Variants in SMAD2 observed in about 807,000 individuals in gnomAD.
SMAD2 encodes SMAD family member 2.
SMAD2 carries 8 observed loss-of-function variants against 64.4 expected under a neutral mutation model. That is an observed-to-expected ratio of 0.12 (90% CI 0.07 to 0.22). SMAD2 has a LOEUF of 0.22. Ranked by LOEUF, SMAD2 falls within the 10% of genes least tolerant of loss-of-function variation. The pLI is 1.00. For synonymous variants in SMAD2, 203 were observed against 195.8 expected (o/e 1.04, Z -0.31); for missense variants, 289 against 561.2 (o/e 0.51, Z 4.90).
chr18:47,854,650 A>T lies in SMAD2; in HGVS notation c.731-3323T>A, dbSNP rs528691022. Among the ~76,000 whole-genome samples the T allele has an allele frequency of 9.8e-4, 147 of 150,604 alleles. 1 individual carries two copies. The highest frequency in any genetic ancestry group is 8.8e-3 in the South Asian group (42 of 4,768). ...CAAATATTCACCCAGGTTTTTTTTT[A>T]AAAAAAATCTGTTATATCTTTTAAG... is the stretch of plus-strand genomic sequence containing the variant. On this transcript the variant is annotated intron_variant, in intron 6 of 10. Coordinates refer to ENST00000262160, the MANE Select transcript of SMAD2 (RefSeq NM_005901.6).
chr18:47,854,145 A>G (rs1262901213), intron 6 of SMAD2, among the ~76,000 whole-genome samples: 3 of 152,100 alleles, frequency 2.0e-5, no homozygotes, highest in Non-Finnish European at 4.4e-5. Flanking sequence ...TTATTCATAC[A>G]TAAATGCTGC....
At chr18:47,927,674 C>A (rs1031994533) in intron 1 of SMAD2, among the ~76,000 whole-genome samples, 1 of 152,100 alleles carries the variant, frequency 6.6e-6, no homozygotes, top group Admixed American at 6.5e-5. Flanking sequence ...CCGAGGTGGG[C>A]GGATCACCTG....
intron 2 of SMAD2, among the ~76,000 whole-genome samples, chr18:47,875,425 T>C (rs1196954126): frequency 6.6e-6 from 1 of 152,110 alleles, no homozygotes; most frequent in Admixed American, 6.6e-5. Flanking sequence ...ATATTCCTTA[T>C]CACATTAAAT....
At position 47,827,715 on chromosome 18, in the gene SMAD2, C is replaced by T. The variant is rs568823754; in HGVS notation, c.*14112G>A. The stretch of plus-strand genomic sequence containing the variant: ...CAGGCTGGTCTCCAGCTCCTGACCG[C>T]GCATGATCTGCCCGCCTGGGCCTCC... On this transcript the variant is annotated 3_prime_UTR_variant, in exon 11 of 11. Coordinates refer to ENST00000262160, the MANE Select transcript of SMAD2 (RefSeq NM_005901.6). 6 of 166,868 alleles carry T rather than the reference C, an allele frequency of 3.6e-5. No individual in the cohort carries two copies. The highest frequency in any genetic ancestry group is 1.8e-4 in the East Asian group (1 of 5,618). 10.3% of individuals were successfully genotyped at this position (166,868 alleles called of 1,614,324 possible).
At chr18:47,896,859 T>A in intron 1 of SMAD2, 50 bp from the exon 2 acceptor site, 2 of 1,490,664 alleles carry the variant, frequency 1.3e-6, no homozygotes, top group Non-Finnish European at 9.1e-7. Context: ...GAACATCAAG[T>A]AATAATTTCA....
At chr18:47,909,876 G>A (rs2034053829) in intron 1 of SMAD2, among the ~76,000 whole-genome samples, 2 of 152,030 alleles carry the variant, frequency 1.3e-5, no homozygotes, top group East Asian at 1.9e-4. Context: ...ACTTGTCCCT[G>A]AACACATTAA....
At chr18:47,913,080 C>T (rs1405884566) in intron 1 of SMAD2, among the ~76,000 whole-genome samples, 2 of 151,698 alleles carry the variant, frequency 1.3e-5, no homozygotes, top group Non-Finnish European at 1.5e-5. Flanking sequence ...TCAACACGCT[C>T]GGCTAATTTT....
chr18:47,884,050 A>C (rs1177499931), intron 2 of SMAD2, among the ~76,000 whole-genome samples: 1 of 152,004 alleles, frequency 6.6e-6, no homozygotes, highest in African/African-American at 2.4e-5. Context: ...TTCCCTAATC[A>C]CCATAAAACC....
At chr18:47,913,922 A>C (rs2034238556) in intron 1 of SMAD2, among the ~76,000 whole-genome samples, 1 of 152,250 alleles carries the variant, frequency 6.6e-6, no homozygotes, top group South Asian at 2.1e-4. Context: ...AAAAGAACAC[A>C]AAGACTATCT....
At chr18:47,906,990 C>T (rs1026704667) in intron 1 of SMAD2, among the ~76,000 whole-genome samples, 4 of 152,062 alleles carry the variant, frequency 2.6e-5, no homozygotes, top group Non-Finnish European at 4.4e-5. Flanking sequence ...TCTCTCTTGC[C>T]ATATAAAACA....
At chr18:47,926,356 C>G (rs941233528) in intron 1 of SMAD2, among the ~76,000 whole-genome samples, 1 of 152,166 alleles carries the variant, frequency 6.6e-6, no homozygotes, top group Admixed American at 6.5e-5. Context: ...ACATTCATTA[C>G]TATGCTTTCA....
At chr18:47,929,059 C>A (rs1468746853) in intron 1 of SMAD2, among the ~76,000 whole-genome samples, 3 of 152,142 alleles carry the variant, frequency 2.0e-5, no homozygotes, top group Non-Finnish European at 1.5e-5. Flanking sequence ...AGAGGAAATT[C>A]TTTAAATATC....
intron 1 of SMAD2, among the ~76,000 whole-genome samples, chr18:47,921,839 G>A (rs1348763650): frequency 6.6e-6 from 1 of 152,178 alleles, no homozygotes; most frequent in Non-Finnish European, 1.5e-5. Context: ...ATACATAAGA[G>A]AAAACTTTTA....
chr18:47,860,335 A>C (rs1325139060), intron 6 of SMAD2, among the ~76,000 whole-genome samples: 1 of 152,134 alleles, frequency 6.6e-6, no homozygotes, highest in Admixed American at 6.5e-5. Context: ...GCAGCGGCGC[A>C]AACATGGCTC....
chr18:47,896,824 GA>G lies in SMAD2; in HGVS notation c.-53-16del, dbSNP rs1178873232. ...TTGTATCGAACCTAGCAGAAATATT[GA>G]AAGGATGATGTAGAGACTACCTTGA... is the stretch of plus-strand genomic sequence containing the variant. On this transcript the variant is annotated splice_polypyrimidine_tract_variant and intron_variant, in intron 1 of 10. Transcript: ENST00000262160. 2 of 1,565,258 alleles carry G rather than the reference GA, an allele frequency of 1.3e-6. No homozygotes were observed. The highest frequency in any genetic ancestry group is 8.6e-7 in the Non-Finnish European group (1 of 1,156,268).
In SMAD2 at chr18:47,835,907, A is replaced by AT. The variant is rs1050448319; in HGVS notation, c.*5919dup. 4.8e-6 allele frequency: 1 copy of AT among 206,902 alleles called. No individual in the cohort carries two copies. 12.8% of individuals were successfully genotyped at this position (206,902 alleles called of 1,614,324 possible). A position where few individuals can be genotyped will look rare whatever the true frequency, so the allele number is the denominator to read the frequency against. The stretch of plus-strand genomic sequence containing the variant: ...AGGGTAAAAGAATACTTTTCTCGAA[A>AT]TTTTTTTGAAGAAAAATCTAAAAGC... On this transcript the variant is annotated 3_prime_UTR_variant, in exon 11 of 11. Coordinates refer to ENST00000262160, the MANE Select transcript of SMAD2 (RefSeq NM_005901.6).
rs1236862249 is a variant in SMAD2 at position 47,836,178 on chromosome 18, G to GT, written c.*5648dup. Reference sequence around the variant, plus strand: ...GATCTGAATCACCTTCAATCAGGCTGTAAGATACTAGAAAATTTGACCTTG... The same window carrying GT: ...GATCTGAATCACCTTCAATCAGGCTGTTAAGATACTAGAAAATTTGACCTTG... On this transcript the variant is annotated 3_prime_UTR_variant, in exon 11 of 11. Coordinates refer to ENST00000262160, the MANE Select transcript of SMAD2 (RefSeq NM_005901.6). 1 of 221,300 alleles carries GT rather than the reference G, an allele frequency of 4.5e-6. No homozygotes were observed. Among genetic ancestry groups the GT allele is most frequent in the East Asian group, 6.5e-5 (1 of 15,270 alleles). 13.7% of individuals were successfully genotyped at this position (221,300 alleles called of 1,614,324 possible).
intron 1 of SMAD2, among the ~76,000 whole-genome samples, chr18:47,904,045 T>C (rs1338180036): frequency 6.6e-6 from 1 of 151,828 alleles, no homozygotes; most frequent in Non-Finnish European, 1.5e-5. Flanking sequence ...AGAAAACACA[T>C]TCATGGTCAA....
At chr18:47,891,807 G>T (rs542399092) in intron 2 of SMAD2, among the ~76,000 whole-genome samples, 3 of 151,746 alleles carry the variant, frequency 2.0e-5, no homozygotes, top group Non-Finnish European at 4.4e-5. Context: ...GACAAGAATA[G>T]TCTTGTCATA....
Sources: allele counts gnomAD v4.1 joint callset (sites outside exome capture counted in the v4.1 genomes callset), GRCh38; gene constraint gnomAD v4.1.1; transcripts MANE v1.5; gene names NCBI Gene and HGNC (gene_info 2026-07-23, HGNC 2026-07-21).